The following FAM135B variants were observed in gnomAD, a reference collection of about 807,000 sequenced individuals.
FAM135B encodes protein FAM135B.
A neutral mutation model predicts 127.7 loss-of-function variants in FAM135B; 43 were observed. That is an observed-to-expected ratio of 0.34 (90% CI 0.26 to 0.43). The LOEUF (loss-of-function observed/expected upper bound fraction) is 0.43. Among genes scored for constraint, FAM135B ranks in the 20% least tolerant of loss-of-function variants. The probability of loss-of-function intolerance (pLI) is 1.00; values close to 1 mark genes in which losing one functional copy is unlikely to be tolerated. For synonymous variants in FAM135B, 670 were observed against 665.1 expected, an observed-to-expected ratio of 1.01 and a Z score of -0.11; for missense variants, 1,558 against 1,725.6, an observed-to-expected ratio of 0.90 and a Z score of 1.72.
At chr8:138,175,967 G>T (rs903579095) in intron 11 of FAM135B, among the ~76,000 whole-genome samples, 7 of 152,168 alleles carry the variant, frequency 4.6e-5, no homozygotes, top group Non-Finnish European at 8.8e-5. Flanking sequence ...TGTTCCATGT[G>T]CATGGACATG....
chr8:138,257,902 C>A (rs144970122), intron 4 of FAM135B, among the ~76,000 whole-genome samples: 15 of 97,114 alleles, frequency 1.5e-4, no homozygotes, highest in East Asian at 3.3e-4. Context: ...AAAAATAAAA[C>A]AAAACAAAAC....
intron 1 of FAM135B, among the ~76,000 whole-genome samples, chr8:138,404,005 G>C (rs908288639): frequency 1.3e-5 from 2 of 152,088 alleles, no homozygotes; most frequent in African/African-American, 4.8e-5. Flanking sequence ...AGAAATCCTA[G>C]GAACAGGATA....
intron 1 of FAM135B, among the ~76,000 whole-genome samples, chr8:138,401,824 C>T (rs988387401): frequency 1.3e-5 from 2 of 152,176 alleles, no homozygotes; most frequent in Admixed American, 6.5e-5. Flanking sequence ...TGATACCAAA[C>T]TCACCCCATC....
At chr8:138,411,299 T>C (rs1444623537) in intron 1 of FAM135B, among the ~76,000 whole-genome samples, 1 of 151,896 alleles carries the variant, frequency 6.6e-6, no homozygotes, top group Admixed American at 6.6e-5. Flanking sequence ...GAGATATAGA[T>C]CAATGGAACA....
chr8:138,402,972 G>A (rs1833234551), intron 1 of FAM135B, among the ~76,000 whole-genome samples: 1 of 152,128 alleles, frequency 6.6e-6, no homozygotes, highest in Admixed American at 6.5e-5. Flanking sequence ...CTTTCTCTCT[G>A]CCACGTGAGG....
rs150865532 is a variant in FAM135B at position 138,223,217 on chromosome 8, G to A, written c.669+19725C>T. On this transcript the variant is annotated intron_variant, in intron 7 of 19. Coordinates refer to ENST00000395297, the MANE Select transcript of FAM135B (RefSeq NM_015912.4). ...CAGGAGAGAACAACAAAATCCATGT[G>A]GCAATGACTATTCCACCAGGGCCCA... Among the ~76,000 whole-genome samples the A allele has an allele frequency of 5.9e-5, 9 of 152,304 alleles. No homozygotes were observed. In the East Asian group the frequency reaches 1.7e-3, roughly 29 times the overall value.
chr8:138,137,037 T>C (rs1468499609), intron 19 of FAM135B, 110 bp downstream of exon 19: 6 of 675,024 alleles, frequency 8.9e-6, no homozygotes, highest in African/African-American at 3.6e-5. Context: ...CTAAGATAAA[T>C]GCAGCACTAA....
rs147749660 is a variant in FAM135B at position 138,380,567 on chromosome 8, G to A, written c.-19-12565C>T. Among the ~76,000 whole-genome samples the A allele has an allele frequency of 8.9e-3, 1,352 of 152,114 alleles. 23 individuals are homozygous for A. The highest frequency in any genetic ancestry group is 0.031 in the African/African-American group (1,285 of 41,464). ...GTCCCTACCACCACCTTGTCCACCC[G>A]CTCCTTACACAGATACGACATTTGA... On this transcript the variant is annotated intron_variant, in intron 1 of 19. Coordinates refer to ENST00000395297, the MANE Select transcript of FAM135B (RefSeq NM_015912.4).
At chr8:138,253,635 C>T (rs922755087) in intron 5 of FAM135B, among the ~76,000 whole-genome samples, 1 of 152,162 alleles carries the variant, frequency 6.6e-6, no homozygotes, top group Non-Finnish European at 1.5e-5. Context: ...CAAGCATCCT[C>T]CCGAGCTGTG....
rs1402663564 is a variant in FAM135B, at chr8:138,473,864, A to G, written c.-20+22807T>C. Among the ~76,000 whole-genome samples, 4 of 152,218 alleles carry G rather than the reference A, an allele frequency of 2.6e-5. No homozygotes were observed. The East Asian group carries it at 7.7e-4, about 29-fold the overall frequency. On this transcript the variant is annotated intron_variant, in intron 1 of 19. Coordinates refer to ENST00000395297, the MANE Select transcript of FAM135B (RefSeq NM_015912.4). ...AGAGAGAGAGAGAGACTTTTCAATC[A>G]TAATTTTATTGTTTTAATTCAGTCC...
chr8:138,240,979 G>A (rs1471809758), intron 7 of FAM135B, among the ~76,000 whole-genome samples: 9 of 152,180 alleles, frequency 5.9e-5, no homozygotes, highest in Non-Finnish European at 1.2e-4. Flanking sequence ...AGATTCTGAC[G>A]TTCTGAGGGC....
Position 138,374,672 on chromosome 8 carries a change from G to A in FAM135B, c.-19-6670C>T, listed in dbSNP as rs147379729. ...CAAAGCAACAGAAACTAAGACCGGA[G>A]GCTCTAAGGGTTGAAACAGTGATGT... On this transcript the variant is annotated intron_variant, in intron 1 of 19. Transcript: ENST00000395297. Among the ~76,000 whole-genome samples the A allele has an allele frequency of 7.2e-3, 1,099 of 152,296 alleles. 7 individuals are homozygous for A. The highest frequency in any genetic ancestry group is 0.012 in the Non-Finnish European group (841 of 68,014).
intron 2 of FAM135B, among the ~76,000 whole-genome samples, chr8:138,360,533 T>C (rs529095157): frequency 6.6e-6 from 1 of 152,322 alleles, no homozygotes; most frequent in Non-Finnish European, 1.5e-5. Context: ...GGCTTCGCAA[T>C]CTGGTTATGA....
chr8:138,208,964 T>C (rs1345818476), intron 7 of FAM135B, among the ~76,000 whole-genome samples: 3 of 152,236 alleles, frequency 2.0e-5, no homozygotes, highest in Non-Finnish European at 2.9e-5. Flanking sequence ...TTAATACCTA[T>C]GATACATGTT....
At chr8:138,356,590 A>AT (rs1370961248) in intron 2 of FAM135B, among the ~76,000 whole-genome samples, 2 of 152,136 alleles carry the variant, frequency 1.3e-5, no homozygotes, top group South Asian at 2.1e-4. Flanking sequence ...TGGTGAAGTG[A>AT]TTTTTTCAAA....
chr8:138,383,164 C>A (rs1831967300), intron 1 of FAM135B, among the ~76,000 whole-genome samples: 1 of 152,220 alleles, frequency 6.6e-6, no homozygotes, highest in African/African-American at 2.4e-5. Context: ...TCCAGCTCCT[C>A]AGATGATTCC....
chr8:138,444,389 A>T (rs931695798), intron 1 of FAM135B, among the ~76,000 whole-genome samples: 1 of 152,182 alleles, frequency 6.6e-6, no homozygotes, highest in Admixed American at 6.5e-5. Context: ...AAAATTGACC[A>T]CATAGTTGGA....
Position 138,206,818 on chromosome 8 carries a change from C to T in FAM135B, c.670-9149G>A, listed in dbSNP as rs1817711603. Among the ~76,000 whole-genome samples, 7 of 151,714 alleles carry T rather than the reference C, an allele frequency of 4.6e-5. No homozygotes were observed. The South Asian group carries it at 1.0e-3, about 23-fold the overall frequency. On this transcript the variant is annotated intron_variant, in intron 7 of 19. Transcript: ENST00000395297. ...AACTCTATCATCCCCTCCACCTACACACAACTCCAGCATCCTCTCCACCTA... is the reference window on the plus strand; with the variant it reads ...AACTCTATCATCCCCTCCACCTACATACAACTCCAGCATCCTCTCCACCTA...
At chr8:138,391,061 C>T (rs1051413644) in intron 1 of FAM135B, among the ~76,000 whole-genome samples, 6 of 152,176 alleles carry the variant, frequency 3.9e-5, no homozygotes, top group Admixed American at 2.0e-4. Context: ...AGATCACTTC[C>T]AAACCCGAGA....
Sources: gnomAD v4.1 joint callset for allele counts (sites outside exome capture counted in the v4.1 genomes callset) on GRCh38, gnomAD v4.1.1 for gene constraint, MANE v1.5 for transcripts, NCBI Gene and HGNC (gene_info 2026-07-23, HGNC 2026-07-21) for gene names.